The following MYO5A variants were observed in gnomAD, a reference collection of about 807,000 sequenced individuals.
The protein encoded by MYO5A is myosin VA, also known as unconventional myosin-Va.
MYO5A carries 98 observed loss-of-function variants against 249.7 expected under a neutral mutation model. That is an observed-to-expected ratio of 0.39 (90% CI 0.33 to 0.46). The LOEUF (loss-of-function observed/expected upper bound fraction) is 0.46, where lower values mean the gene tolerates loss of function less well. Ranked by LOEUF, MYO5A falls within the 20% of genes least tolerant of loss-of-function variation. The probability of loss-of-function intolerance (pLI) is 0.98; values close to 1 mark genes in which losing one functional copy is unlikely to be tolerated. For synonymous variants in MYO5A, 778 were observed against 810.6 expected (o/e 0.96, Z 0.68); for missense variants, 1,696 against 2,308.8 (o/e 0.73, Z 5.44).
At chr15:52,316,402 T>G (rs1047681559) in intron 40 of MYO5A, among the ~76,000 whole-genome samples, 2 of 152,192 alleles carry the variant, frequency 1.3e-5, no homozygotes, top group African/African-American at 4.8e-5. Context: ...AATGCCCAGA[T>G]TAATGGGACC....
At chr15:52,354,147 T>C (rs2040090626) in intron 25 of MYO5A, 133 bp from the exon 26 acceptor site, 1 of 1,068,404 alleles carries the variant, frequency 9.4e-7, no homozygotes, top group Non-Finnish European at 1.3e-6. Context: ...AGAGAATATA[T>C]TTTTAAAATG....
intron 1 of MYO5A, among the ~76,000 whole-genome samples, chr15:52,501,298 T>C (rs2077154583): frequency 6.6e-6 from 1 of 151,976 alleles, no homozygotes; most frequent in Non-Finnish European, 1.5e-5. Context: ...TACTCAAAAA[T>C]GTCTCTTTGA....
chr15:52,494,908 T>A (rs1019225007), intron 1 of MYO5A, among the ~76,000 whole-genome samples: 10 of 152,228 alleles, frequency 6.6e-5, no homozygotes, highest in Admixed American at 2.0e-4. Flanking sequence ...AGCTATTGCA[T>A]AGACTTTACA....
At chr15:52,339,742 G>A (rs567440589) in intron 32 of MYO5A, among the ~76,000 whole-genome samples, 1 of 152,270 alleles carries the variant, frequency 6.6e-6, no homozygotes, top group East Asian at 1.9e-4. Context: ...TTTGCCAACC[G>A]CCTTTCTCAA....
At chr15:52,380,724 G>A (rs113235251) in intron 16 of MYO5A, among the ~76,000 whole-genome samples, 14,411 of 151,664 alleles carry the variant, frequency 0.095, 784 homozygotes, top group Middle Eastern at 0.16. Flanking sequence ...CCGAGACCAC[G>A]CCATTGCATT....
rs754471451 is a variant in MYO5A, at chr15:52,408,064, C to T, written c.833G>A (p.Arg278Gln). Residue 278 changes from arginine to glutamine, a missense_variant, in exon 7 of 42, where the codon CGA becomes CAA. Physicochemically the swap from Arg to Gln is conservative, Grantham distance 43 (BLOSUM62 1). This residue lies in a region of MYO5A where 185 missense variants were observed against 204.8 expected (regional missense o/e 0.90). Coordinates refer to ENST00000399233, the MANE Select transcript of MYO5A (RefSeq NM_001382347.1). The stretch of plus-strand genomic sequence containing the variant: ...ATTTAATGCCATATTCATACCTAAT[C>T]GTAGCATTTTAAATTCAGGTAACTT... The part of the protein sequence containing the change: ...SAKLPEFKML[R>Q]LGNADNFNYT... 6.4e-6 allele frequency: 10 copies of T among 1,574,174 alleles called. No homozygotes were observed. Among genetic ancestry groups the T allele is most frequent in the Middle Eastern group, 1.7e-4 (1 of 5,992 alleles).
chr15:52,504,424 C>T (rs928815536), intron 1 of MYO5A, among the ~76,000 whole-genome samples: 11 of 152,130 alleles, frequency 7.2e-5, no homozygotes, highest in Non-Finnish European at 1.5e-5. Flanking sequence ...CCATGTTTTG[C>T]AATGTCCAAA....
intron 1 of MYO5A, among the ~76,000 whole-genome samples, chr15:52,454,650 C>G (rs553467248): frequency 1.3e-5 from 2 of 152,066 alleles, no homozygotes; most frequent in East Asian, 3.9e-4. Flanking sequence ...AACCAAGTAT[C>G]TTTTCTGACT....
chr15:52,416,161 G>A lies in MYO5A; in HGVS notation c.596C>T (p.Ser199Phe). Residue 199 changes from serine (S) to phenylalanine (F), a missense_variant, in exon 5 of 42, where the codon TCC becomes TTC. Around this residue, in one of 5 missense-constraint regions of MYO5A, gnomAD observed 197 missense variants for 320.3 expected, o/e 0.62. Coordinates refer to ENST00000399233, the MANE Select transcript of MYO5A (RefSeq NM_001382347.1). ...CTGTCTTACCTCCATGATGGGGTTG[G>A]AGGCCAAGACCTTTTCCTCCACATT... ...EANVEEKVLA[S>F]NPIMESIGNA... 3 of 1,614,062 alleles carry A rather than the reference G, an allele frequency of 1.9e-6. No homozygotes were observed. The highest frequency in any genetic ancestry group is 2.5e-6 in the Non-Finnish European group (3 of 1,179,954).
intron 34 of MYO5A, among the ~76,000 whole-genome samples, chr15:52,334,523 T>C (rs1479428217): frequency 2.6e-5 from 4 of 152,220 alleles, no homozygotes; most frequent in Non-Finnish European, 5.9e-5. Context: ...GCTAAAGGAT[T>C]ATATATAAAG....
intron 32 of MYO5A, 41 bp from the exon 33 acceptor site, chr15:52,337,925 T>C (rs1028806433): frequency 1.5e-6 from 2 of 1,360,068 alleles, no homozygotes; most frequent in Non-Finnish European, 2.0e-6. Context: ...TTTGTCTGTG[T>C]GTTTGAGGGA....
chr15:52,404,472 A>G (rs1412961637), intron 9 of MYO5A, among the ~76,000 whole-genome samples: 1 of 152,164 alleles, frequency 6.6e-6, no homozygotes, highest in African/African-American at 2.4e-5. Context: ...AAAAAAGGCA[A>G]CTAAGTGAGT....
intron 4 of MYO5A, among the ~76,000 whole-genome samples, chr15:52,421,783 G>C (rs146168235): frequency 6.6e-6 from 1 of 152,330 alleles, no homozygotes; most frequent in Non-Finnish European, 1.5e-5. Context: ...CAGTGACACT[G>C]TTCCGTTTTA....
chr15:52,479,521 T>C (rs1451252772), intron 1 of MYO5A, among the ~76,000 whole-genome samples: 1 of 152,194 alleles, frequency 6.6e-6, no homozygotes, highest in Non-Finnish European at 1.5e-5. Context: ...TCCAGGTTGT[T>C]CACAGGTCAA....
chr15:52,375,691 C>A (rs1361008715), intron 19 of MYO5A, among the ~76,000 whole-genome samples: 1 of 152,190 alleles, frequency 6.6e-6, no homozygotes, highest in Non-Finnish European at 1.5e-5. Context: ...CTCCCTAACT[C>A]TGGAAAGTAG....
chr15:52,475,494 A>T (rs1379914476), intron 1 of MYO5A, among the ~76,000 whole-genome samples: 1 of 152,132 alleles, frequency 6.6e-6, no homozygotes, highest in Non-Finnish European at 1.5e-5. Context: ...TGTCAATTTT[A>T]GATCTTTCCT....
chr15:52,505,210 AG>A, intron 1 of MYO5A: 1 of 771,176 alleles, frequency 1.3e-6, no homozygotes, highest in Non-Finnish European at 2.4e-6. Context: ...AGACCTGAAA[AG>A]CCCCGCCGGC....
intron 5 of MYO5A, among the ~76,000 whole-genome samples, chr15:52,414,159 G>T (rs781271285): frequency 4.6e-5 from 7 of 152,108 alleles, no homozygotes; most frequent in Non-Finnish European, 7.4e-5. Flanking sequence ...CACTGGAGTG[G>T]GTTGTTATGA....
chr15:52,389,752 AGATTAGC>A (rs1280669887), intron 12 of MYO5A, among the ~76,000 whole-genome samples: 1 of 152,194 alleles, frequency 6.6e-6, no homozygotes, highest in Non-Finnish European at 1.5e-5. Context: ...CAGGAGTTCG[AGATTAGC>A]CTGACCAGAA....
Sources: gnomAD v4.1 joint callset for allele counts (sites outside exome capture counted in the v4.1 genomes callset) on GRCh38, gnomAD v4.1.1 for gene constraint, gnomAD v4.1.1 regional missense constraint, MANE v1.5 for transcripts, NCBI Gene and HGNC (gene_info 2026-07-23, HGNC 2026-07-21) for gene names.